The following SLC6A4 variants were observed in gnomAD, a reference collection of about 807,000 sequenced individuals.
The protein encoded by SLC6A4 is sodium-dependent serotonin transporter.
In SLC6A4, 22 loss-of-function variants were observed where a neutral mutation model predicts 73.4. The ratio of observed to expected loss-of-function variants is 0.30; its 90% confidence interval spans 0.21 to 0.43. SLC6A4 has a LOEUF of 0.43. Ranked by LOEUF, SLC6A4 falls within the 20% of genes least tolerant of loss-of-function variation. SLC6A4 has a pLI of 1.00. For synonymous variants in SLC6A4, 270 were observed against 315.5 expected, an observed-to-expected ratio of 0.86 and a Z score of 1.53; for missense variants, 593 against 808.5, an observed-to-expected ratio of 0.73 and a Z score of 3.23.
At chr17:30,207,922 A>C in intron 12 of SLC6A4, 90 bp from the exon 13 acceptor site, 4 of 924,436 alleles carry the variant, frequency 4.3e-6, no homozygotes, top group African/African-American at 1.6e-5. Context: ...AGTCAGAGTC[A>C]CAGGATCAGC....
chr17:30,213,970 C>T lies in SLC6A4; in HGVS notation c.1077-1103G>A, dbSNP rs565340551. Among the ~76,000 whole-genome samples the T allele has an allele frequency of 1.3e-3, 201 of 152,218 alleles. 7 individuals carry two copies. In the South Asian group the frequency reaches 0.038, roughly 29 times the overall value. On this transcript the variant is annotated intron_variant, in intron 8 of 14. Coordinates refer to ENST00000650711, the MANE Select transcript of SLC6A4 (RefSeq NM_001045.6). ...CCATGTTGCCCAGGCTGGACTCAAA[C>T]TCTTAGGCTCAAGTGATCCTCCTGC...
rs1906772093 is a variant in SLC6A4 at position 30,221,840 on chromosome 17, G to A, written c.119C>T (p.Ser40Phe). The A allele has an allele frequency of 6.2e-7, 1 of 1,614,168 alleles. No individual in the cohort carries two copies. Among genetic ancestry groups the A allele is most frequent in the African/African-American group, 1.3e-5 (1 of 75,018 alleles). ...TGAGTACCCATTGGATATTTGCCCG[G>A]ACTCCACTTTGTCCCCTGGGGTGGG... ...VVPTPGDKVE[S>F]GQISNGYSAV... The change falls in exon 3 of 15, where the codon TCC (serine) becomes TTC (phenylalanine). Residue 40 changes from serine to phenylalanine, a missense_variant. By Grantham distance (155) the Ser-to-Phe change is radical. Coordinates refer to ENST00000650711, the MANE Select transcript of SLC6A4 (RefSeq NM_001045.6).
chr17:30,228,435 G>A (rs567093761), intron 1 of SLC6A4, among the ~76,000 whole-genome samples: 24 of 152,272 alleles, frequency 1.6e-4, no homozygotes, highest in South Asian at 6.2e-4. Context: ...CCCTAGCAGG[G>A]AAACTGAGGC....
intron 8 of SLC6A4, among the ~76,000 whole-genome samples, chr17:30,214,547 T>TA (rs1906492394): frequency 6.6e-6 from 1 of 151,944 alleles, no homozygotes; most frequent in African/African-American, 2.4e-5. Flanking sequence ...TTTTTATTGT[T>TA]AAACACATTG....
At chr17:30,215,153 G>C (rs946027370) in intron 8 of SLC6A4, among the ~76,000 whole-genome samples, 1 of 151,208 alleles carries the variant, frequency 6.6e-6, no homozygotes, top group South Asian at 2.1e-4. Flanking sequence ...GCAACTTCTC[G>C]TGCCTCAGCC....
intron 1 of SLC6A4, among the ~76,000 whole-genome samples, chr17:30,229,410 G>T (rs56102107): frequency 0.014 from 2,145 of 152,260 alleles, 46 homozygotes; most frequent in African/African-American, 0.049. Context: ...TGGGGAGGGG[G>T]CTGACAATGA....
At position 30,228,756 on chromosome 17, in the gene SLC6A4, C is replaced by G. The variant is rs56211632; in HGVS notation, c.-220-5841G>C. 3.9e-3 allele frequency among the ~76,000 whole-genome samples: 601 copies of G among 152,316 alleles called. 6 individuals are homozygous for G. The highest frequency in any genetic ancestry group is 0.014 in the African/African-American group (580 of 41,560). On this transcript the variant is annotated intron_variant, in intron 1 of 14. Coordinates refer to ENST00000650711, the MANE Select transcript of SLC6A4 (RefSeq NM_001045.6). The stretch of plus-strand genomic sequence containing the variant: ...CTTCTATCCACCTCCTCTCAGCACT[C>G]CAGCCCAAGATACACTCTTTCTACT...
rs56384968 is a variant in SLC6A4 at position 30,235,417 on chromosome 17, C to G, written c.-221+196G>C. ...CACGTTCCTCGTCTCCCACTCTGGC[C>G]GGTCAGCTTCAGCTCTGGCTCTTGC... On this transcript the variant is annotated intron_variant, in intron 1 of 14. Transcript: ENST00000650711. This position sits in a 1 kb window ranked among gnomAD's most constrained non-coding sequence, Gnocchi z 4.5. Among the ~76,000 whole-genome samples, 7,780 of 152,240 alleles carry G rather than the reference C, an allele frequency of 0.051. 304 individuals carry two copies. Among genetic ancestry groups the G allele is most frequent in the South Asian group, 0.11 (546 of 4,820 alleles).
At chr17:30,201,731 A>G (rs1422997907) in intron 14 of SLC6A4, among the ~76,000 whole-genome samples, 1 of 152,172 alleles carries the variant, frequency 6.6e-6, no homozygotes, top group Non-Finnish European at 1.5e-5. Context: ...GGAAATTAGT[A>G]ACTACGGAGC....
At chr17:30,220,729 C>T (rs1219868806) in intron 3 of SLC6A4, among the ~76,000 whole-genome samples, 1 of 152,174 alleles carries the variant, frequency 6.6e-6, no homozygotes, top group Non-Finnish European at 1.5e-5. Flanking sequence ...GTGGACTCTT[C>T]CCAGCAGAAC....
In SLC6A4 at chr17:30,211,854, T is replaced by G. The variant is rs992352183; in HGVS notation, c.1205-430A>C. ...GTAGGAAATGTTAAATTGATTTCCG[T>G]AGAGTCACAGAGGCTTTGGAATAAA... On this transcript the variant is annotated intron_variant, in intron 9 of 14. Transcript: ENST00000650711. This position sits in a 1 kb window ranked among gnomAD's most constrained non-coding sequence, Gnocchi z 4.0. Among the ~76,000 whole-genome samples the G allele has an allele frequency of 1.3e-5, 2 of 152,238 alleles. No individual in the cohort carries two copies. The highest frequency in any genetic ancestry group is 2.4e-5 in the African/African-American group (1 of 41,464).
chr17:30,207,124 G>A (rs547610086), intron 13 of SLC6A4, among the ~76,000 whole-genome samples: 103 of 152,132 alleles, frequency 6.8e-4, no homozygotes, highest in Non-Finnish European at 9.0e-4. Context: ...GGCATTTAGC[G>A]CTCCATAAAT....
chr17:30,215,756 C>T (rs1199531349), intron 7 of SLC6A4, 42 bp from the exon 8 acceptor site: 1 of 1,558,018 alleles, frequency 6.4e-7, no homozygotes, highest in African/African-American at 1.4e-5. Flanking sequence ...GAGGGGGAGA[C>T]ACAGGCTTAC....
chr17:30,211,230 T>A lies in SLC6A4; in HGVS notation c.1317+82A>T. 1.1e-6 allele frequency: 1 copy of A among 911,272 alleles called. No homozygotes were observed. The highest frequency in any genetic ancestry group is 2.0e-5 in the Admixed American group (1 of 50,056). The allele number at this position is 911,272 out of a possible 1,614,324, so 56.4% of individuals were successfully genotyped here. A position where few individuals can be genotyped will look rare whatever the true frequency, so the allele number is the denominator to read the frequency against. On this transcript the variant is annotated intron_variant, in intron 10 of 14. Coordinates refer to ENST00000650711, the MANE Select transcript of SLC6A4 (RefSeq NM_001045.6). The surrounding 1 kb of genome is among the most constrained non-coding windows in gnomAD (Gnocchi z 4.0). ...CAAAGCTGCCTGGGATGGCCAGGGA[T>A]GGGAGGGAATTGAGTCCAGCTGAGT... is the stretch of plus-strand genomic sequence containing the variant.
At position 30,197,786 on chromosome 17, in the gene SLC6A4, A is replaced by G. The variant is rs3813034; in HGVS notation, c.*670T>C. On this transcript the variant is annotated 3_prime_UTR_variant, in exon 15 of 15. Coordinates refer to ENST00000650711, the MANE Select transcript of SLC6A4 (RefSeq NM_001045.6). ...ACAATTGAGTTGGTAGAATTTGTTA[A>G]TGTAAGAAAAATTTGGGGAATTCAT... 2 of 152,424 alleles carry G rather than the reference A, an allele frequency of 1.3e-5. No individual in the cohort carries two copies. The highest frequency in any genetic ancestry group is 2.9e-5 in the Non-Finnish European group (2 of 68,004). The allele number at this position is 152,424 out of a possible 1,614,324, so 9.4% of individuals were successfully genotyped here.
intron 1 of SLC6A4, among the ~76,000 whole-genome samples, chr17:30,229,118 C>T (rs1185687330): frequency 6.6e-6 from 1 of 152,142 alleles, no homozygotes; most frequent in African/African-American, 2.4e-5. Flanking sequence ...ATCTTGTGGG[C>T]AGAGGAGGAG....
intron 8 of SLC6A4, among the ~76,000 whole-genome samples, chr17:30,215,196 C>T (rs1220098310): frequency 1.3e-5 from 2 of 152,096 alleles, no homozygotes; most frequent in African/African-American, 2.4e-5. Context: ...GTGTGCAACA[C>T]CATGCCTGGC....
chr17:30,207,451 A>C (rs34388196), intron 13 of SLC6A4, among the ~76,000 whole-genome samples: 1 of 151,848 alleles, frequency 6.6e-6, no homozygotes. Context: ...GCAGTGGCGC[A>C]ATTTCAGCTC....
chr17:30,221,563 G>C (rs940171059), intron 3 of SLC6A4, 53 bp downstream of exon 3: 97 of 1,514,726 alleles, frequency 6.4e-5, no homozygotes, highest in Non-Finnish European at 8.0e-5. Context: ...AGCCCACTCC[G>C]GGTCACAGCC....
Sources: allele counts gnomAD v4.1 joint callset (sites outside exome capture counted in the v4.1 genomes callset), GRCh38; gene constraint gnomAD v4.1.1; non-coding constraint Gnocchi (gnomAD v3.1); transcripts MANE v1.5; gene names NCBI Gene and HGNC (gene_info 2026-07-23, HGNC 2026-07-21).